The following PLEKHG1 variants were observed in gnomAD, a reference collection of about 807,000 sequenced individuals.
The protein encoded by PLEKHG1 is pleckstrin homology and RhoGEF domain containing G1.
A neutral mutation model predicts 100.8 loss-of-function variants in PLEKHG1; 44 were observed. The ratio of observed to expected loss-of-function variants is 0.44; its 90% CI spans 0.34 to 0.56. The LOEUF (loss-of-function observed/expected upper bound fraction) is 0.56. PLEKHG1 is among the 20% of genes least tolerant of loss of function. The probability of loss-of-function intolerance (pLI) is 0.01; values close to 1 mark genes in which losing one functional copy is unlikely to be tolerated. For missense variants in PLEKHG1, 1,545 were observed against 1,720.9 expected (o/e 0.90, Z 1.81); for synonymous variants, 640 against 662.5 (o/e 0.97, Z 0.52).
At chr6:150,671,652 A>T (rs1176129219) in intron 3 of PLEKHG1, among the ~76,000 whole-genome samples, 2 of 152,236 alleles carry the variant, frequency 1.3e-5, no homozygotes, top group African/African-American at 2.4e-5. Context: ...ATAACAGTTT[A>T]AAAAACCCCA....
At chr6:150,767,094 A>G (rs1338962478) in intron 2 of PLEKHG1, among the ~76,000 whole-genome samples, 1 of 152,240 alleles carries the variant, frequency 6.6e-6, no homozygotes, top group Non-Finnish European at 1.5e-5. Flanking sequence ...CTTTTGGACC[A>G]TGTGTAATTT....
At chr6:150,649,920 C>G (rs1279783694) in intron 2 of PLEKHG1, among the ~76,000 whole-genome samples, 24 of 151,890 alleles carry the variant, frequency 1.6e-4, no homozygotes, top group African/African-American at 4.6e-4. Context: ...GCTGAGGCAG[C>G]AGAATGGCGT....
intron 1 of PLEKHG1, among the ~76,000 whole-genome samples, chr6:150,730,476 G>A (rs117563529): frequency 0.028 from 4,230 of 152,230 alleles, 73 homozygotes; most frequent in South Asian, 0.052. Flanking sequence ...GCTCCTATGA[G>A]AATCTAATGC....
In PLEKHG1 at chr6:150,674,903, G is replaced by A. The variant is rs560815903; in HGVS notation, c.-99+24117G>A. Among the ~76,000 whole-genome samples the A allele has an allele frequency of 4.6e-5, 7 of 152,062 alleles. No homozygotes were observed. The South Asian group carries it at 6.3e-4, about 14-fold the overall frequency. On this transcript the variant is annotated intron_variant, in intron 3 of 3. Coordinates refer to the PLEKHG1 transcript ENST00000367326. ...TCGCCATGTTGGCCAGGCTGGTTTC[G>A]AACTCCTGACCTCAAGTAATCTGCC...
intron 4 of PLEKHG1, among the ~76,000 whole-genome samples, chr6:150,788,978 T>C (rs1785805976): frequency 6.6e-6 from 1 of 152,108 alleles, no homozygotes; most frequent in Non-Finnish European, 1.5e-5. Flanking sequence ...ATGATTAGAG[T>C]GAATTTAAGT....
chr6:150,766,970 TCCTTCTGTTTTA>T (rs1410096084), intron 2 of PLEKHG1, among the ~76,000 whole-genome samples: 11 of 150,452 alleles, frequency 7.3e-5, no homozygotes, highest in African/African-American at 2.5e-4. Flanking sequence ...CCCATCCACA[TCCTTCTGTTTTA>T]CCTTCTTAAT....
At chr6:150,721,253 T>A (rs1781659748) in intron 1 of PLEKHG1, 1 of 824,434 alleles carries the variant, frequency 1.2e-6, no homozygotes, top group Non-Finnish European at 1.5e-6. Context: ...CAAACGCTCC[T>A]TCCCTCTGGG....
intron 1 of PLEKHG1, among the ~76,000 whole-genome samples, chr6:150,605,087 T>G (rs2029645): frequency 0.74 from 111,905 of 152,134 alleles, 41,700 homozygotes; most frequent in Non-Finnish European, 0.8. Flanking sequence ...AGAGATGCCG[T>G]CACCTCCATC....
At chr6:150,760,956 G>A (rs1784121723) in intron 2 of PLEKHG1, among the ~76,000 whole-genome samples, 1 of 151,986 alleles carries the variant, frequency 6.6e-6, no homozygotes, top group Admixed American at 6.6e-5. Flanking sequence ...ATAAGGAACT[G>A]ATTTTAGTGT....
chr6:150,767,256 C>G (rs1225833521), intron 2 of PLEKHG1, among the ~76,000 whole-genome samples: 5 of 152,110 alleles, frequency 3.3e-5, no homozygotes, highest in Non-Finnish European at 1.5e-5. Flanking sequence ...GGTACTCAAG[C>G]TCTTATGATT....
chr6:150,686,299 C>T lies in PLEKHG1; in HGVS notation c.-99+35513C>T, dbSNP rs554099601. On this transcript the variant is annotated intron_variant, in intron 3 of 3. Transcript: ENST00000367326. ...ACCAACTTTCGTCATTCTCAAATGCCAGTATAATTCTGTGAACACTCCAAA... is the reference window on the plus strand; with the variant it reads ...ACCAACTTTCGTCATTCTCAAATGCTAGTATAATTCTGTGAACACTCCAAA... Among the ~76,000 whole-genome samples, 35 of 152,282 alleles carry T rather than the reference C, an allele frequency of 2.3e-4. 1 individual carries two copies. Among genetic ancestry groups the T allele is most frequent in the Middle Eastern group, 3.4e-3 (1 of 294 alleles).
In PLEKHG1 at chr6:150,683,050, C is replaced by T. The variant is rs1389822350; in HGVS notation, c.-99+32264C>T. Among the ~76,000 whole-genome samples the T allele has an allele frequency of 6.6e-6, 1 of 152,210 alleles. No individual in the cohort carries two copies. The highest frequency in any genetic ancestry group is 2.4e-5 in the African/African-American group (1 of 41,456). On this transcript the variant is annotated intron_variant, in intron 3 of 3. Transcript: ENST00000367326. This position sits in a 1 kb window ranked among gnomAD's most constrained non-coding sequence, Gnocchi z 4.0. ...GCTTCGTGCGCATCTTAACAGTTGA[C>T]AACTACATCATCACAGCTTGACACA...
chr6:150,643,341 G>C (rs1778352530), intron 2 of PLEKHG1, among the ~76,000 whole-genome samples: 1 of 152,092 alleles, frequency 6.6e-6, no homozygotes, highest in Non-Finnish European at 1.5e-5. Context: ...CCAGATTCTG[G>C]AAGTATCTGG....
At chr6:150,692,396 T>C (rs1452098436) in intron 3 of PLEKHG1, among the ~76,000 whole-genome samples, 2 of 152,214 alleles carry the variant, frequency 1.3e-5, no homozygotes, top group African/African-American at 2.4e-5. Flanking sequence ...TATGTAATTA[T>C]CATTTGATAA....
intron 3 of PLEKHG1, among the ~76,000 whole-genome samples, chr6:150,676,677 T>A (rs1444793262): frequency 6.6e-6 from 1 of 152,206 alleles, no homozygotes; most frequent in Non-Finnish European, 1.5e-5. Context: ...GTGAAGCTGG[T>A]GCAACTTAAA....
At position 150,705,740 on chromosome 6, in the gene PLEKHG1, AG is replaced by A. The variant is rs529997549; in HGVS notation, c.-98-27841del. Among the ~76,000 whole-genome samples, 30 of 152,276 alleles carry A rather than the reference AG, an allele frequency of 2.0e-4. No individual in the cohort carries two copies. The South Asian group carries it at 6.2e-3, about 32-fold the overall frequency. ...CCACTCCCTCCTCCTTATGCTCCTG[AG>A]GGAAGATATCACGTATCAGAGGCGA... On this transcript the variant is annotated intron_variant, in intron 3 of 3. Coordinates refer to the PLEKHG1 transcript ENST00000367326.
intron 3 of PLEKHG1, among the ~76,000 whole-genome samples, chr6:150,674,891 C>T (rs1046663492): frequency 2.6e-5 from 4 of 151,978 alleles, no homozygotes; most frequent in Non-Finnish European, 4.4e-5. Context: ...CCATGTTGGC[C>T]AGGCTGGTTT....
chr6:150,750,069 C>CT (rs1783409239), intron 2 of PLEKHG1, among the ~76,000 whole-genome samples: 1 of 107,678 alleles, frequency 9.3e-6, no homozygotes, highest in African/African-American at 6.8e-5. Flanking sequence ...AAGACTCTGT[C>CT]TCAAAAAAAA....
rs1371093784 is a variant in PLEKHG1 at position 150,786,275 on chromosome 6, C to T, written c.513-115C>T. ...CAATGACAGCAGATCCTCAGTTATC[C>T]AATTATATGATTCCTTGTAAATGCC... On this transcript the variant is annotated intron_variant, in intron 3 of 15. Transcript: ENST00000358517. The T allele has an allele frequency of 4.3e-6, 3 of 701,458 alleles. No homozygotes were observed. The African/African-American group carries it at 5.4e-5, about 13-fold the overall frequency. 43.5% of individuals were successfully genotyped at this position (701,458 alleles called of 1,614,324 possible). A position where few individuals can be genotyped will look rare whatever the true frequency, so the allele number is the denominator to read the frequency against.
Sources: allele counts gnomAD v4.1 joint callset (sites outside exome capture counted in the v4.1 genomes callset), GRCh38; gene constraint gnomAD v4.1.1; non-coding constraint Gnocchi (gnomAD v3.1); transcripts MANE v1.5; gene names NCBI Gene and HGNC (gene_info 2026-07-23, HGNC 2026-07-21).